The following UGCG variants were observed in gnomAD, a reference collection of about 807,000 sequenced individuals.
UGCG encodes the protein UDP-glucose ceramide glucosyltransferase, also known as ceramide glucosyltransferase.
In UGCG, 10 loss-of-function variants were observed where a neutral mutation model predicts 49.5. That is an observed-to-expected ratio of 0.20 (90% CI 0.12 to 0.34). The LOEUF (loss-of-function observed/expected upper bound fraction) is 0.34. UGCG is among the 10% of genes least tolerant of loss of function. The pLI, the probability that UGCG is intolerant of heterozygous loss-of-function variation, is 1.00. For missense variants in UGCG, 312 were observed against 483.7 expected (o/e 0.65, Z 3.33); for synonymous variants, 182 against 158.2 (o/e 1.15, Z -1.13).
chr9:111,929,949 C>T (rs139665701), intron 6 of UGCG, among the ~76,000 whole-genome samples: 2,956 of 151,926 alleles, frequency 0.019, 40 homozygotes, highest in Non-Finnish European at 0.031. Context: ...CACCAGAGCA[C>T]CTGGGACTAC....
At chr9:111,921,296 A>G (rs1037871588) in intron 2 of UGCG, among the ~76,000 whole-genome samples, 19 of 152,166 alleles carry the variant, frequency 1.2e-4, no homozygotes, top group Admixed American at 3.3e-4. Context: ...ATCACTACTT[A>G]GAATACATAT....
intron 5 of UGCG, among the ~76,000 whole-genome samples, chr9:111,927,703 T>G (rs7043273): frequency 0.75 from 113,662 of 151,884 alleles, 43,559 homozygotes; most frequent in East Asian, 0.92. Context: ...CACCCTCCTC[T>G]GCCTCCCAAA....
rs80084467 is a variant in UGCG at position 111,924,884 on chromosome 9, G to A, written c.445+6G>A. 0.12 allele frequency: 175,511 copies of A among 1,423,266 alleles called. 13,161 individuals are homozygous for A. Among genetic ancestry groups the A allele is most frequent in the East Asian group, 0.38 (14,390 of 37,600 alleles). 88.2% of individuals were successfully genotyped at this position (1,423,266 alleles called of 1,614,324 possible). The stretch of plus-strand genomic sequence containing the variant: ...TTGTGATAGTGGAATAAGAGGTGAG[G>A]TTTTTTTCTTATTTATTTTATAAAA... On this transcript the variant is annotated splice_donor_region_variant and intron_variant, in intron 4 of 8. Coordinates refer to ENST00000374279, the MANE Select transcript of UGCG (RefSeq NM_003358.3).
At chr9:111,903,996 A>G (rs149579590) in intron 1 of UGCG, among the ~76,000 whole-genome samples, 52 of 152,334 alleles carry the variant, frequency 3.4e-4, no homozygotes, top group African/African-American at 1.2e-3. Context: ...TCACCCCTAC[A>G]GACATGGTTA....
chr9:111,926,771 A>G (rs543980879), intron 5 of UGCG, among the ~76,000 whole-genome samples: 73 of 147,672 alleles, frequency 4.9e-4, no homozygotes, highest in African/African-American at 1.8e-3. Context: ...CTTGCCTTGT[A>G]GTATTCACTT....
chr9:111,928,441 T>C (rs1444127270), intron 5 of UGCG, among the ~76,000 whole-genome samples: 1 of 152,180 alleles, frequency 6.6e-6, no homozygotes, highest in Non-Finnish European at 1.5e-5. Context: ...ACCCATTGCC[T>C]TAGTGTAGGT....
chr9:111,935,246 T>G lies in UGCG; in HGVS notation c.*2249T>G, dbSNP rs41280163. On this transcript the variant is annotated 3_prime_UTR_variant, in exon 9 of 9. Coordinates refer to ENST00000374279, the MANE Select transcript of UGCG (RefSeq NM_003358.3). ...TGAAGAAAGCATCACAACAGAACTATAGGAGTCTAAATTTAATAAATCTTT... is the reference window on the plus strand; with the variant it reads ...TGAAGAAAGCATCACAACAGAACTAGAGGAGTCTAAATTTAATAAATCTTT... 2 of 152,172 alleles carry G rather than the reference T, an allele frequency of 1.3e-5. No homozygotes were observed. The highest frequency in any genetic ancestry group is 4.8e-5 in the African/African-American group (2 of 41,444). 9.4% of individuals were successfully genotyped at this position (152,172 alleles called of 1,614,324 possible). A position where few individuals can be genotyped will look rare whatever the true frequency, so the allele number is the denominator to read the frequency against.
At chr9:111,903,933 A>G (rs78097913) in intron 1 of UGCG, among the ~76,000 whole-genome samples, 5,617 of 152,138 alleles carry the variant, frequency 0.037, 147 homozygotes, top group African/African-American at 0.071. Flanking sequence ...GTTTGACTGC[A>G]CTATGGAGTC....
At chr9:111,898,942 T>C (rs1424241270) in intron 1 of UGCG, among the ~76,000 whole-genome samples, 2 of 152,236 alleles carry the variant, frequency 1.3e-5, no homozygotes, top group Admixed American at 1.3e-4. Flanking sequence ...ACTGTTCTAG[T>C]TGCTGGAAGA....
In UGCG at chr9:111,926,509, G is replaced by T. The variant is rs776931383; in HGVS notation, c.558+13G>T. 2.6e-5 allele frequency: 41 copies of T among 1,585,278 alleles called. 2 individuals carry two copies. In the South Asian group the frequency reaches 3.8e-4, roughly 15 times the overall value. Reference sequence around the variant, plus strand: ...CACCTTAGAGCAGGTGAGTATGGTGGTTATAAATCATGTTCATAGTATCAG... The same window carrying T: ...CACCTTAGAGCAGGTGAGTATGGTGTTTATAAATCATGTTCATAGTATCAG... On this transcript the variant is annotated intron_variant, in intron 5 of 8. Transcript: ENST00000374279.
At chr9:111,911,715 T>C (rs1837997569) in intron 1 of UGCG, among the ~76,000 whole-genome samples, 1 of 151,332 alleles carries the variant, frequency 6.6e-6, no homozygotes, top group Non-Finnish European at 1.5e-5. Context: ...CTGGGCAATA[T>C]AGTGAGACCC....
At chr9:111,913,041 A>C (rs1406741583) in intron 1 of UGCG, among the ~76,000 whole-genome samples, 1 of 152,158 alleles carries the variant, frequency 6.6e-6, no homozygotes, top group Middle Eastern at 3.2e-3. Context: ...TCCCTCCAGA[A>C]GTCTTTCCCA....
chr9:111,926,860 C>CTTT (rs1838321313), intron 5 of UGCG, among the ~76,000 whole-genome samples: 5 of 99,582 alleles, frequency 5.0e-5, no homozygotes, highest in Admixed American at 1.2e-4. Flanking sequence ...CTCCCCCCAG[C>CTTT]CTTTTTTTTT....
chr9:111,920,263 A>G (rs970031872), intron 2 of UGCG, among the ~76,000 whole-genome samples: 1 of 152,230 alleles, frequency 6.6e-6, no homozygotes, highest in African/African-American at 2.4e-5. Context: ...CGACTTAATT[A>G]TTAAGAAAAC....
Position 111,927,916 on chromosome 9 carries a change from T to C in UGCG, c.558+1420T>C, listed in dbSNP as rs536261545. Among the ~76,000 whole-genome samples, 7 of 152,304 alleles carry C rather than the reference T, an allele frequency of 4.6e-5. 1 individual carries two copies. Among genetic ancestry groups the C allele is most frequent in the East Asian group, 1.9e-4 (1 of 5,186 alleles). On this transcript the variant is annotated intron_variant, in intron 5 of 8. Coordinates refer to ENST00000374279, the MANE Select transcript of UGCG (RefSeq NM_003358.3). Reference sequence around the variant, plus strand: ...ACTTTGTAAGCTTTTCCCATATCATTAATAGCTTTTCATAAAAGTAATTTT... The same window carrying C: ...ACTTTGTAAGCTTTTCCCATATCATCAATAGCTTTTCATAAAAGTAATTTT...
intron 1 of UGCG, among the ~76,000 whole-genome samples, chr9:111,902,489 T>C (rs893001605): frequency 5.3e-5 from 8 of 152,240 alleles, no homozygotes; most frequent in African/African-American, 1.9e-4. Flanking sequence ...CAAACAGTAA[T>C]ATAGTCATGA....
At chr9:111,899,530 A>T (rs549420371) in intron 1 of UGCG, among the ~76,000 whole-genome samples, 1 of 152,340 alleles carries the variant, frequency 6.6e-6, no homozygotes, top group East Asian at 1.9e-4. Context: ...TGTCACATGT[A>T]GCATTCTTTT....
In UGCG at chr9:111,933,171, C is replaced by G. The variant is rs1838458365; in HGVS notation, c.*174C>G. 4 of 513,328 alleles carry G rather than the reference C, an allele frequency of 7.8e-6. No homozygotes were observed. Among genetic ancestry groups the G allele is most frequent in the Non-Finnish European group, 1.2e-5 (4 of 344,826 alleles). 31.8% of individuals were successfully genotyped at this position (513,328 alleles called of 1,614,324 possible). ...TCTGTGAAAAAAAAAAAAAACACAT[C>G]TGTAGTCTTGGCCAAATGATACACT... On this transcript the variant is annotated 3_prime_UTR_variant, in exon 9 of 9. Transcript: ENST00000374279.
chr9:111,913,594 A>G (rs1023619442), intron 1 of UGCG, among the ~76,000 whole-genome samples: 5 of 126,512 alleles, frequency 4.0e-5, no homozygotes, highest in African/African-American at 1.5e-4. Context: ...CACCACGCCC[A>G]GCTAATTTTT....
Sources: gnomAD v4.1 joint callset for allele counts (sites outside exome capture counted in the v4.1 genomes callset) on GRCh38, gnomAD v4.1.1 for gene constraint, MANE v1.5 for transcripts, NCBI Gene and HGNC (gene_info 2026-07-23, HGNC 2026-07-21) for gene names.